TBC1D1: variants seen among roughly 807,000 people sequenced by gnomAD.
The protein encoded by TBC1D1 is TBC1 (tre-2/USP6, BUB2, cdc16) domain family, member 1.
Under a neutral mutation model 125.6 loss-of-function variants are expected in TBC1D1, and 89 were observed. That is an observed-to-expected ratio of 0.71 (90% CI 0.60 to 0.85). The LOEUF is 0.85. Among genes scored for constraint, TBC1D1 ranks in the 40% least tolerant of loss-of-function variants. The pLI, the probability that TBC1D1 is intolerant of heterozygous loss-of-function variation, is 0.00. For synonymous variants in TBC1D1, 565 were observed against 564.1 expected (o/e 1.00, Z -0.02); for missense variants, 1,377 against 1,469.2 (o/e 0.94, Z 1.03).
chr4:38,133,785 A>G (rs138631387), intron 19 of TBC1D1, among the ~76,000 whole-genome samples: 32 of 152,324 alleles, frequency 2.1e-4, no homozygotes, highest in Middle Eastern at 6.8e-3. Context: ...TTCAACACGG[A>G]TATACTCAGG....
chr4:38,072,998 T>C (rs1754966828), intron 12 of TBC1D1, among the ~76,000 whole-genome samples: 1 of 152,236 alleles, frequency 6.6e-6, no homozygotes. Context: ...TGTATGTATA[T>C]TTAACATTTT....
At chr4:37,989,520 G>T (rs181685759) in intron 2 of TBC1D1, among the ~76,000 whole-genome samples, 77 of 152,328 alleles carry the variant, frequency 5.1e-4, no homozygotes, top group Admixed American at 3.3e-3. Flanking sequence ...GTCATGGGTC[G>T]TGGTCCTCAC....
chr4:37,908,350 C>T (rs1267182459), intron 2 of TBC1D1, among the ~76,000 whole-genome samples: 2 of 152,066 alleles, frequency 1.3e-5, no homozygotes, highest in African/African-American at 4.8e-5. Context: ...GGATTACAGG[C>T]GCCCGCCACC....
chr4:37,898,253 A>G (rs1455419793), intron 1 of TBC1D1, among the ~76,000 whole-genome samples: 1 of 152,196 alleles, frequency 6.6e-6, no homozygotes, highest in Non-Finnish European at 1.5e-5. Flanking sequence ...AAATATGGTG[A>G]TTGGGTAGAA....
At chr4:38,056,824 A>T (rs1440976794) in intron 12 of TBC1D1, among the ~76,000 whole-genome samples, 2 of 152,142 alleles carry the variant, frequency 1.3e-5, no homozygotes, top group Admixed American at 6.5e-5. Flanking sequence ...TGGGGGAGTC[A>T]TGTCTATACT....
chr4:38,013,354 G>A (rs915489338), intron 2 of TBC1D1, among the ~76,000 whole-genome samples: 6 of 152,120 alleles, frequency 3.9e-5, no homozygotes, highest in Admixed American at 1.3e-4. Flanking sequence ...CTCCTTTACT[G>A]TATGTGTTGA....
intron 15 of TBC1D1, among the ~76,000 whole-genome samples, chr4:38,112,311 T>C (rs1762318982): frequency 6.6e-6 from 1 of 152,258 alleles, no homozygotes; most frequent in Non-Finnish European, 1.5e-5. Context: ...TGCAGTGTTA[T>C]AGTTAATAGA....
chr4:37,968,469 A>T (rs1016916379), intron 2 of TBC1D1, among the ~76,000 whole-genome samples: 1 of 152,240 alleles, frequency 6.6e-6, no homozygotes, highest in Non-Finnish European at 1.5e-5. Context: ...AAGAAACTAC[A>T]ATGTAACGCA....
At chr4:37,980,955 T>A (rs1734221666) in intron 2 of TBC1D1, among the ~76,000 whole-genome samples, 1 of 152,098 alleles carries the variant, frequency 6.6e-6, no homozygotes, top group Admixed American at 6.6e-5. Context: ...AATCTTTTTT[T>A]TTTTTGACCC....
chr4:37,915,492 A>G (rs1267165416), intron 2 of TBC1D1, among the ~76,000 whole-genome samples: 1 of 152,188 alleles, frequency 6.6e-6, no homozygotes, highest in Non-Finnish European at 1.5e-5. Flanking sequence ...TCAAGCAATC[A>G]GGTAGAGAGC....
chr4:38,060,550 G>C, intron 12 of TBC1D1: 1 of 1,009,082 alleles, frequency 9.9e-7, no homozygotes, highest in East Asian at 6.1e-5. Context: ...TCATGAGAGA[G>C]ACATATTTGC....
intron 15 of TBC1D1, among the ~76,000 whole-genome samples, chr4:38,106,668 CCTT>C (rs768102505): frequency 2.0e-5 from 3 of 152,194 alleles, no homozygotes; most frequent in South Asian, 2.1e-4. Flanking sequence ...GATTCAGTCA[CCTT>C]CTTCTCTTCA....
At chr4:38,043,475 C>G (rs1317349937) in intron 8 of TBC1D1, among the ~76,000 whole-genome samples, 1 of 151,470 alleles carries the variant, frequency 6.6e-6, no homozygotes, top group African/African-American at 2.4e-5. Context: ...CCCAGCTACT[C>G]TGGGGGCCGA....
At chr4:38,093,522 C>A (rs968136821) in intron 13 of TBC1D1, among the ~76,000 whole-genome samples, 3 of 149,450 alleles carry the variant, frequency 2.0e-5, no homozygotes, top group Non-Finnish European at 4.4e-5. Context: ...GCCGTTTTCC[C>A]CCCCCTTTTT....
At chr4:38,103,779 A>G (rs1578725406) in intron 15 of TBC1D1, among the ~76,000 whole-genome samples, 1 of 152,222 alleles carries the variant, frequency 6.6e-6, no homozygotes, top group East Asian at 1.9e-4. Context: ...ACTAAACAAT[A>G]ATATAGATTT....
At chr4:37,943,487 T>A (rs1207272345) in intron 2 of TBC1D1, among the ~76,000 whole-genome samples, 2 of 152,230 alleles carry the variant, frequency 1.3e-5, no homozygotes. Flanking sequence ...CAGACGTAGA[T>A]TTCATCTTTT....
rs139387268 is a variant in TBC1D1, at chr4:37,960,568, G to T, written c.418-53941G>T. 343 of 1,614,132 alleles carry T rather than the reference G, an allele frequency of 2.1e-4. No individual in the cohort carries two copies. The East Asian group carries it at 7.0e-3, about 33-fold the overall frequency. On this transcript the variant is annotated intron_variant, in intron 2 of 19. Transcript: ENST00000261439. The stretch of plus-strand genomic sequence containing the variant: ...GGGATATCTCAAGTTTTAACACGAC[G>T]TTTTGGCAAAACATACGATGCTCCA...
Position 37,995,954 on chromosome 4 carries a change from T to G in TBC1D1, c.418-18555T>G. 1 of 566,294 alleles carries G rather than the reference T, an allele frequency of 1.8e-6. No homozygotes were observed. The highest frequency in any genetic ancestry group is 1.4e-5 in the South Asian group (1 of 72,356). 35.1% of individuals were successfully genotyped at this position (566,294 alleles called of 1,614,324 possible). On this transcript the variant is annotated intron_variant, in intron 2 of 19. Coordinates refer to ENST00000261439, the MANE Select transcript of TBC1D1 (RefSeq NM_015173.4). The surrounding 1 kb of genome is among the most constrained non-coding windows in gnomAD (Gnocchi z 4.3). ...GGAGAAATCCACACTCAAGGACTTCTTTCTTCTCTTGCCTCTCTGTTTCTA... is the reference window on the plus strand; with the variant it reads ...GGAGAAATCCACACTCAAGGACTTCGTTCTTCTCTTGCCTCTCTGTTTCTA...
intron 12 of TBC1D1, among the ~76,000 whole-genome samples, chr4:38,059,748 TA>T (rs1333237785): frequency 1.3e-5 from 2 of 152,240 alleles, no homozygotes; most frequent in African/African-American, 4.8e-5. Context: ...AGTTCCAGGG[TA>T]CATGTGCAGG....
Sources: allele counts gnomAD v4.1 joint callset (sites outside exome capture counted in the v4.1 genomes callset), GRCh38; gene constraint gnomAD v4.1.1; non-coding constraint Gnocchi (gnomAD v3.1); transcripts MANE v1.5; gene names NCBI Gene and HGNC (gene_info 2026-07-23, HGNC 2026-07-21).